Variants in PPFIA2 observed in about 807,000 individuals in gnomAD.
PPFIA2 encodes the protein liprin-alpha-2.
In PPFIA2, 46 loss-of-function variants were observed where a neutral mutation model predicts 175.5. The ratio of observed to expected loss-of-function variants is 0.26; its 90% CI spans 0.21 to 0.34. The LOEUF (loss-of-function observed/expected upper bound fraction) is 0.34. Among genes scored for constraint, PPFIA2 ranks in the 10% least tolerant of loss-of-function variants. The pLI, the probability that PPFIA2 is intolerant of heterozygous loss-of-function variation, is 1.00. For missense variants in PPFIA2, 1,179 were observed against 1,506.1 expected, an observed-to-expected ratio of 0.78 and a Z score of 3.60; for synonymous variants, 568 against 511.4, an observed-to-expected ratio of 1.11 and a Z score of -1.49.
chr12:81,758,568 G>A, intron 1 of PPFIA2, 61 bp from the exon 2 acceptor site: 1 of 385,466 alleles, frequency 2.6e-6, no homozygotes, highest in East Asian at 7.6e-5. Context: ...CTCCCGGAAC[G>A]TGCCCCGGCC....
At position 81,384,167 on chromosome 12, in the gene PPFIA2, T is replaced by C. The variant is rs775054969; in HGVS notation, c.840A>G (p.Gln280=). ...CTTTCATCTGGGCCATTTCATAGTT[T>C]TGCTTTTCAAGCAATTCTTGTAGTT... The part of the protein sequence containing the change: ...IVELQELLEK[Q]NYEMAQMKER... The change falls in exon 9 of 33, where the codon CAA becomes CAG. Residue 280 remains glutamine, a synonymous_variant. Transcript: ENST00000549396. 1.2e-6 allele frequency: 2 copies of C among 1,611,928 alleles called. No individual in the cohort carries two copies. The highest frequency in any genetic ancestry group is 2.2e-5 in the South Asian group (2 of 90,924).
intron 4 of PPFIA2, among the ~76,000 whole-genome samples, chr12:81,527,053 G>C (rs2063812266): frequency 6.6e-6 from 1 of 152,070 alleles, no homozygotes; most frequent in Non-Finnish European, 1.5e-5. Context: ...TGGCAAGGAG[G>C]ATTAATTTTG....
chr12:81,363,591 C>T (rs1464189682), intron 14 of PPFIA2, among the ~76,000 whole-genome samples: 2 of 151,554 alleles, frequency 1.3e-5, no homozygotes, highest in Non-Finnish European at 3.0e-5. Context: ...TTTCCCCTTC[C>T]CAGTGGCCAG....
intron 4 of PPFIA2, among the ~76,000 whole-genome samples, chr12:81,571,402 G>A (rs1306623296): frequency 6.6e-6 from 1 of 152,070 alleles, no homozygotes; most frequent in East Asian, 1.9e-4. Flanking sequence ...TCTCCCTGCT[G>A]CCATTTGACC....
intron 25 of PPFIA2, among the ~76,000 whole-genome samples, chr12:81,283,259 T>C (rs1397550418): frequency 6.6e-6 from 1 of 152,106 alleles, no homozygotes; most frequent in Non-Finnish European, 1.5e-5. Flanking sequence ...CTAATTTAAA[T>C]GTTAAATTCA....
Position 81,496,628 on chromosome 12 carries a change from A to G in PPFIA2, c.304-38762T>C, listed in dbSNP as rs551737351. On this transcript the variant is annotated intron_variant, in intron 4 of 32. Transcript: ENST00000549396. ...ATCCACGTGAATGAAAGGAATCAAT[A>G]ACAATACTTTCTGCATACTCTGTCA... is the stretch of plus-strand genomic sequence containing the variant. Among the ~76,000 whole-genome samples, 262 of 152,314 alleles carry G rather than the reference A, an allele frequency of 1.7e-3. 3 individuals carry two copies. Among genetic ancestry groups the G allele is most frequent in the Non-Finnish European group, 9.1e-4 (62 of 68,028 alleles).
At chr12:81,345,667 T>C (rs2058946384) in intron 18 of PPFIA2, among the ~76,000 whole-genome samples, 1 of 152,218 alleles carries the variant, frequency 6.6e-6, no homozygotes, top group African/African-American at 2.4e-5. Context: ...AAAGTATTCC[T>C]GCCTTGAATG....
chr12:81,679,541 G>GA (rs1295466253), intron 3 of PPFIA2, among the ~76,000 whole-genome samples: 1 of 151,738 alleles, frequency 6.6e-6, no homozygotes, highest in Non-Finnish European at 1.5e-5. Context: ...CATGTCTTGA[G>GA]AAAAAATGAG....
intron 24 of PPFIA2, among the ~76,000 whole-genome samples, chr12:81,290,382 T>G (rs1050972995): frequency 9.2e-5 from 14 of 151,850 alleles, no homozygotes; most frequent in Non-Finnish European, 1.8e-4. Flanking sequence ...CAATGCAAAT[T>G]GTATTGGAAA....
chr12:81,757,883 A>T (rs1406270366), intron 2 of PPFIA2, among the ~76,000 whole-genome samples: 1 of 152,176 alleles, frequency 6.6e-6, no homozygotes, highest in South Asian at 2.1e-4. Context: ...GTTTCTTCTG[A>T]AAACATTTAG....
chr12:81,347,463 C>T (rs967869156), intron 18 of PPFIA2, 70 bp downstream of exon 18: 8 of 1,297,260 alleles, frequency 6.2e-6, no homozygotes, highest in Non-Finnish European at 9.0e-6. Flanking sequence ...AACAAACACC[C>T]AGTTAAGTTT....
chr12:81,574,720 A>C (rs1002956698), intron 4 of PPFIA2, among the ~76,000 whole-genome samples: 5 of 151,728 alleles, frequency 3.3e-5, no homozygotes, highest in Non-Finnish European at 2.9e-5. Flanking sequence ...GAAAAAAAAA[A>C]CACCACTCTT....
At chr12:81,653,443 T>C (rs753842671) in intron 4 of PPFIA2, among the ~76,000 whole-genome samples, 2 of 152,094 alleles carry the variant, frequency 1.3e-5, no homozygotes, top group Non-Finnish European at 2.9e-5. Flanking sequence ...TCAGTAGATT[T>C]GTTTCCTTCT....
At chr12:81,727,052 C>G (rs1260259511) in intron 3 of PPFIA2, among the ~76,000 whole-genome samples, 1 of 151,194 alleles carries the variant, frequency 6.6e-6, no homozygotes, top group Non-Finnish European at 1.5e-5. Context: ...TGTTGCAAAC[C>G]ACAGAGATTT....
intron 8 of PPFIA2, among the ~76,000 whole-genome samples, chr12:81,399,472 G>A (rs566650351): frequency 6.6e-6 from 1 of 152,144 alleles, no homozygotes; most frequent in East Asian, 1.9e-4. Context: ...AACCTAATGA[G>A]TTTCCACACA....
At chr12:81,360,677 C>T (rs922369603) in intron 15 of PPFIA2, among the ~76,000 whole-genome samples, 1 of 151,672 alleles carries the variant, frequency 6.6e-6, no homozygotes, top group Non-Finnish European at 1.5e-5. Flanking sequence ...CATGCACCTC[C>T]TATTTCCATT....
At chr12:81,299,636 A>G (rs1398432752) in intron 22 of PPFIA2, among the ~76,000 whole-genome samples, 2 of 152,182 alleles carry the variant, frequency 1.3e-5, no homozygotes, top group African/African-American at 4.8e-5. Context: ...TTAAGTGCTA[A>G]TGGAATTAGA....
chr12:81,586,704 T>C (rs147014066), intron 4 of PPFIA2, among the ~76,000 whole-genome samples: 1 of 151,798 alleles, frequency 6.6e-6, no homozygotes, highest in South Asian at 2.1e-4. Context: ...TTATATTATA[T>C]AAGCACAAAA....
chr12:81,265,759 C>CT (rs2136224587), intron 30 of PPFIA2, among the ~76,000 whole-genome samples: 1 of 152,272 alleles, frequency 6.6e-6, no homozygotes, highest in East Asian at 1.9e-4. Flanking sequence ...TATTAAGAAG[C>CT]TACCCCACAC....
Sources: allele counts gnomAD v4.1 joint callset (sites outside exome capture counted in the v4.1 genomes callset), GRCh38; gene constraint gnomAD v4.1.1; transcripts MANE v1.5; gene names NCBI Gene and HGNC (gene_info 2026-07-23, HGNC 2026-07-21).